GALNTL6: variants seen among roughly 807,000 people sequenced by gnomAD.
The protein encoded by GALNTL6 is polypeptide N-acetylgalactosaminyltransferase like 6, also known as polypeptide N-acetylgalactosaminyltransferase-like 6.
Under a neutral mutation model 73.7 loss-of-function variants are expected in GALNTL6, and 46 were observed. The observed-to-expected ratio is 0.62, with a 90% CI of 0.49 to 0.80. The LOEUF is 0.80. Ranked by LOEUF, GALNTL6 falls within the 30% of genes least tolerant of loss-of-function variation. The pLI, the probability that GALNTL6 is intolerant of heterozygous loss-of-function variation, is 0.00. For synonymous variants in GALNTL6, 259 were observed against 263.7 expected (o/e 0.98, Z 0.17); for missense variants, 604 against 755.0 (o/e 0.80, Z 2.34).
intron 3 of GALNTL6, among the ~76,000 whole-genome samples, chr4:172,292,106 G>A (rs767973665): frequency 1.3e-5 from 2 of 152,044 alleles, no homozygotes; most frequent in Non-Finnish European, 2.9e-5. Flanking sequence ...TCATAAACAT[G>A]TATTGTGTAT....
rs1276297172 is a variant in GALNTL6 at position 171,898,767 on chromosome 4, G to A, written c.138+84049G>A. On this transcript the variant is annotated intron_variant, in intron 2 of 12. Transcript: ENST00000506823. ...TTAATTTTATTTTTGTGGGGTTCTA[G>A]AAATGTTTGATACTTTGTGTTCATA... Among the ~76,000 whole-genome samples, 3 of 151,924 alleles carry A rather than the reference G, an allele frequency of 2.0e-5. 1 individual carries two copies. Among genetic ancestry groups the A allele is most frequent in the Non-Finnish European group, 4.4e-5 (3 of 67,948 alleles).
At chr4:173,026,805 G>C (rs1019591121) in intron 12 of GALNTL6, among the ~76,000 whole-genome samples, 1 of 152,006 alleles carries the variant, frequency 6.6e-6, no homozygotes, top group Admixed American at 6.6e-5. Context: ...TTGGTGTCTT[G>C]TCTTTTTTCT....
chr4:172,043,254 T>A (rs1742136880), intron 2 of GALNTL6, among the ~76,000 whole-genome samples: 1 of 152,062 alleles, frequency 6.6e-6, no homozygotes, highest in African/African-American at 2.4e-5. Context: ...TTATACAGTA[T>A]CTTCTTCATA....
In GALNTL6 at chr4:172,298,312, G is replaced by T. The variant is rs184125384; in HGVS notation, c.248-13302G>T. 2.0e-3 allele frequency among the ~76,000 whole-genome samples: 299 copies of T among 152,232 alleles called. 5 individuals carry two copies. The highest frequency in any genetic ancestry group is 6.8e-3 in the Middle Eastern group (2 of 294). On this transcript the variant is annotated intron_variant, in intron 3 of 12. Transcript: ENST00000506823. ...TGTCATCTACAAACAGGGACAATTC[G>T]ACTTCCTCTTTTCCTAATTGAATAC...
rs201183080 is a variant in GALNTL6, at chr4:172,580,003, C to A, written c.554-229358C>A. Among the ~76,000 whole-genome samples, 6 of 152,034 alleles carry A rather than the reference C, an allele frequency of 3.9e-5. No individual in the cohort carries two copies. In the East Asian group the frequency reaches 5.8e-4, roughly 15 times the overall value. On this transcript the variant is annotated intron_variant, in intron 5 of 12. Transcript: ENST00000506823. ...ACATATATGACCTGAAAAATCCTGT[C>A]AAAAATTTAAGATTAAAATGGCCTC...
intron 5 of GALNTL6, among the ~76,000 whole-genome samples, chr4:172,499,115 T>G (rs1465067651): frequency 6.6e-6 from 1 of 152,038 alleles, no homozygotes; most frequent in African/African-American, 2.4e-5. Context: ...ATAAAATAAA[T>G]AATACAATAC....
chr4:172,368,738 C>G (rs189237041), intron 5 of GALNTL6, among the ~76,000 whole-genome samples: 3 of 148,748 alleles, frequency 2.0e-5, no homozygotes, highest in Admixed American at 6.7e-5. Flanking sequence ...GGAGTTTCTT[C>G]CCTCTGGTGG....
chr4:172,439,860 A>G (rs573218516), intron 5 of GALNTL6, among the ~76,000 whole-genome samples: 1 of 152,092 alleles, frequency 6.6e-6, no homozygotes, highest in East Asian at 1.9e-4. Flanking sequence ...GGTTTCCCCC[A>G]TTATCAATGT....
intron 5 of GALNTL6, among the ~76,000 whole-genome samples, chr4:172,606,359 C>T (rs1738260925): frequency 6.7e-6 from 1 of 150,344 alleles, no homozygotes; most frequent in Non-Finnish European, 1.5e-5. Context: ...GAGGCTGAGG[C>T]AGGAGAATCG....
chr4:172,205,682 ATGTT>A (rs1736087855), intron 2 of GALNTL6, among the ~76,000 whole-genome samples: 1 of 152,276 alleles, frequency 6.6e-6, no homozygotes, highest in South Asian at 2.1e-4. Context: ...AGCTACTGCG[ATGTT>A]TGTTCTTTGC....
chr4:172,548,731 A>G (rs983881211), intron 5 of GALNTL6, among the ~76,000 whole-genome samples: 30 of 152,174 alleles, frequency 2.0e-4, no homozygotes, highest in Admixed American at 2.0e-3. Context: ...GATCTTACCC[A>G]TTTTCCAGTT....
intron 5 of GALNTL6, among the ~76,000 whole-genome samples, chr4:172,748,508 T>C (rs1296674588): frequency 6.6e-6 from 1 of 150,914 alleles, no homozygotes; most frequent in African/African-American, 2.4e-5. Context: ...TGAAACAACA[T>C]GGAAAAAAAA....
chr4:172,702,616 C>T (rs1734090622), intron 5 of GALNTL6, among the ~76,000 whole-genome samples: 1 of 151,884 alleles, frequency 6.6e-6, no homozygotes, highest in African/African-American at 2.4e-5. Flanking sequence ...GATTAGTGAC[C>T]TTATAAAACA....
In GALNTL6 at chr4:172,640,620, C is replaced by T. The variant is rs1166653829; in HGVS notation, c.554-168741C>T. 3.3e-5 allele frequency among the ~76,000 whole-genome samples: 5 copies of T among 152,140 alleles called. No homozygotes were observed. In the East Asian group the frequency reaches 9.7e-4, roughly 29 times the overall value. On this transcript the variant is annotated intron_variant, in intron 5 of 12. Transcript: ENST00000506823. ...TCGCTGTGACTTCAAATGGTCTTTT[C>T]TCCATGTGTGTGCACCCTTGATGTC... is the stretch of plus-strand genomic sequence containing the variant.
intron 2 of GALNTL6, among the ~76,000 whole-genome samples, chr4:172,045,143 G>C (rs543017235): frequency 2.6e-4 from 39 of 152,026 alleles, no homozygotes; most frequent in Non-Finnish European, 4.4e-4. Flanking sequence ...AAAACTTTCA[G>C]TGTTTGATTA....
At chr4:172,637,053 G>A (rs537161686) in intron 5 of GALNTL6, among the ~76,000 whole-genome samples, 1 of 151,954 alleles carries the variant, frequency 6.6e-6, no homozygotes, top group Non-Finnish European at 1.5e-5. Context: ...CAAAAACTGG[G>A]TAAACAGCCA....
At chr4:172,748,292 C>T (rs542227574) in intron 5 of GALNTL6, among the ~76,000 whole-genome samples, 17 of 152,134 alleles carry the variant, frequency 1.1e-4, no homozygotes, top group Non-Finnish European at 1.5e-4. Context: ...CATCGCAGTA[C>T]GCACTCACAC....
At chr4:172,057,718 AAAAAAAAAAAT>A (rs1478035945) in intron 2 of GALNTL6, among the ~76,000 whole-genome samples, 595 of 82,784 alleles carry the variant, frequency 7.2e-3, no homozygotes, top group African/African-American at 0.02. Flanking sequence ...AAAAAAAAAA[AAAAAAAAAAAT>A]ATATATATAT....
At chr4:172,408,627 C>T (rs1336441516) in intron 5 of GALNTL6, among the ~76,000 whole-genome samples, 1 of 151,636 alleles carries the variant, frequency 6.6e-6, no homozygotes, top group Non-Finnish European at 1.5e-5. Flanking sequence ...ATTCTACCCT[C>T]ATTGCTGAAC....
Sources: allele counts gnomAD v4.1 joint callset (sites outside exome capture counted in the v4.1 genomes callset), GRCh38; gene constraint gnomAD v4.1.1; transcripts MANE v1.5; gene names NCBI Gene and HGNC (gene_info 2026-07-23, HGNC 2026-07-21).